USP34: variants seen among roughly 807,000 people sequenced by gnomAD.
The protein encoded by USP34 is ubiquitin specific peptidase 34.
In USP34, 70 loss-of-function variants were observed where a neutral mutation model predicts 460.3. The ratio of observed to expected loss-of-function variants is 0.15; its 90% confidence interval spans 0.13 to 0.19. The LOEUF is 0.19. Ranked by LOEUF, USP34 falls within the 10% of genes least tolerant of loss-of-function variation. The pLI, the probability that USP34 is intolerant of heterozygous loss-of-function variation, is 1.00. For missense variants in USP34, 3,985 were observed against 4,236.2 expected, an observed-to-expected ratio of 0.94 and a Z score of 1.65; for synonymous variants, 1,647 against 1,405.3, an observed-to-expected ratio of 1.17 and a Z score of -3.85.
At chr2:61,211,241 G>C (rs1687265978) in intron 69 of USP34, among the ~76,000 whole-genome samples, 1 of 152,130 alleles carries the variant, frequency 6.6e-6, no homozygotes, top group South Asian at 2.1e-4. Context: ...AAGAATTTAA[G>C]AAATTAGCCT....
At chr2:61,384,610 T>A (rs1215936996) in intron 5 of USP34, among the ~76,000 whole-genome samples, 1 of 151,906 alleles carries the variant, frequency 6.6e-6, no homozygotes, top group African/African-American at 2.4e-5. Flanking sequence ...GAGGTGGAAG[T>A]CTCAGTGAGC....
chr2:61,448,197 G>C (rs910471632), intron 1 of USP34, among the ~76,000 whole-genome samples: 13 of 152,312 alleles, frequency 8.5e-5, no homozygotes, highest in African/African-American at 3.1e-4. Flanking sequence ...AAACTGGCCA[G>C]GCATGAATGC....
intron 1 of USP34, among the ~76,000 whole-genome samples, chr2:61,462,303 G>A (rs1280120887): frequency 6.7e-6 from 1 of 149,016 alleles, no homozygotes. Flanking sequence ...AATCCCAGCA[G>A]TTTGGGAGGC....
At chr2:61,402,938 C>T (rs1441186456) in intron 3 of USP34, among the ~76,000 whole-genome samples, 1 of 152,086 alleles carries the variant, frequency 6.6e-6, no homozygotes, top group Non-Finnish European at 1.5e-5. Flanking sequence ...TTGACCCTTA[C>T]CGCATTTAAT....
intron 2 of USP34, among the ~76,000 whole-genome samples, chr2:61,417,719 C>CTTTTTT (rs201901250): frequency 6.1e-5 from 8 of 130,728 alleles, no homozygotes; most frequent in African/African-American, 8.5e-5. Flanking sequence ...ATACTAAAAT[C>CTTTTTT]TTTTTTTTTT....
chr2:61,468,049 A>G (rs1357679551), intron 1 of USP34, among the ~76,000 whole-genome samples: 1 of 152,092 alleles, frequency 6.6e-6, no homozygotes, highest in African/African-American at 2.4e-5. Flanking sequence ...CATATAATCT[A>G]CTTCAACAAG....
At chr2:61,278,010 A>G (rs1689422771) in intron 41 of USP34, 155 bp downstream of exon 41, 5 of 991,538 alleles carry the variant, frequency 5.0e-6, no homozygotes, top group Middle Eastern at 3.3e-4. Context: ...CCCCAGCCAC[A>G]TGGAACTCTG....
At position 61,235,908 on chromosome 2, in the gene USP34, G is replaced by A; in HGVS notation, c.6969C>T (p.Pro2323=). 1.2e-6 allele frequency: 2 copies of A among 1,612,176 alleles called. No homozygotes were observed. Among genetic ancestry groups the A allele is most frequent in the Non-Finnish European group, 1.7e-6 (2 of 1,179,544 alleles). The change falls in exon 57 of 80, where the codon CCC becomes CCT. Residue 2323 remains proline, a splice_region_variant and synonymous_variant. Transcript: ENST00000398571. ...ACAGTTCAATCCACTGAAGCATCGT[G>A]GGCTAGAAAAGAAAAGTCAGTCAAA... ...LETFIHSKEK[P]TMLQWIELLT...
At chr2:61,440,605 C>A (rs1057098938) in intron 1 of USP34, among the ~76,000 whole-genome samples, 1 of 151,388 alleles carries the variant, frequency 6.6e-6, no homozygotes, top group Non-Finnish European at 1.5e-5. Flanking sequence ...GCAACCTCCT[C>A]CTCCTGGGTT....
At chr2:61,301,504 A>C in intron 27 of USP34, 50 bp from the exon 28 acceptor site, 2 of 1,494,334 alleles carry the variant, frequency 1.3e-6, no homozygotes, top group Non-Finnish European at 1.9e-6. Context: ...GAATTAACTT[A>C]CTTGCTGATA....
chr2:61,467,617 G>GTTTT lies in USP34; in HGVS notation c.43+3029_43+3032dup, dbSNP rs3980937. Among the ~76,000 whole-genome samples, 741 of 105,976 alleles carry GTTTT rather than the reference G, an allele frequency of 7.0e-3. 25 individuals are homozygous for GTTTT. Among genetic ancestry groups the GTTTT allele is most frequent in the South Asian group, 0.018 (54 of 2,970 alleles). The allele number at this position is 105,976 out of a possible 152,430, so 69.5% of individuals were successfully genotyped here. ...CACATTTTGGGAGGACTGTAACTTT[G>GTTTT]TTTTTTTTTTTTTTTTTTTTGAGAT... On this transcript the variant is annotated intron_variant, in intron 1 of 79. Transcript: ENST00000398571.
At chr2:61,343,754 G>A (rs2103765542) in intron 16 of USP34, 61 bp downstream of exon 16, 1 of 629,032 alleles carries the variant, frequency 1.6e-6, no homozygotes, top group East Asian at 4.8e-5. Flanking sequence ...TTTCAACAAA[G>A]TAAGATAAAT....
At chr2:61,282,268 C>A (rs905855128) in intron 37 of USP34, among the ~76,000 whole-genome samples, 1 of 152,166 alleles carries the variant, frequency 6.6e-6, no homozygotes, top group Non-Finnish European at 1.5e-5. Context: ...GCGTGAGCCA[C>A]AGTGCCCAGC....
At chr2:61,365,408 A>G (rs1692406120) in intron 10 of USP34, among the ~76,000 whole-genome samples, 1 of 152,132 alleles carries the variant, frequency 6.6e-6, no homozygotes, top group Admixed American at 6.5e-5. Context: ...GGGATCAATG[A>G]ACACTTTAAA....
In USP34 at chr2:61,190,302, T is replaced by C. The variant is rs1225136772; in HGVS notation, c.9842A>G (p.Glu3281Gly). The change falls in exon 78 of 80, where the codon GAA becomes GGA. Residue 3281 changes from glutamate to glycine, a missense_variant. Around this residue, in one of 14 missense-constraint regions of USP34, gnomAD observed 506 missense variants for 439.0 expected, o/e 1.15. Transcript: ENST00000398571. ...NLQSDFSNRVEISKASASLNG... is the reference protein window; with the variant it reads ...NLQSDFSNRVGISKASASLNG... ...TAAAGAAGCACTTGCTTTGGAAATT[T>C]CAACTCGGTTGGAGAAATCAGACTG... The C allele has an allele frequency of 1.2e-6, 2 of 1,613,344 alleles. No individual in the cohort carries two copies. Among genetic ancestry groups the C allele is most frequent in the African/African-American group, 1.3e-5 (1 of 74,880 alleles).
At chr2:61,225,863 G>T (rs1467412826) in intron 62 of USP34, among the ~76,000 whole-genome samples, 1 of 152,182 alleles carries the variant, frequency 6.6e-6, no homozygotes, top group Non-Finnish European at 1.5e-5. Flanking sequence ...TGAATGAAAT[G>T]TGTCTAACAC....
chr2:61,404,903 T>C (rs184403935), intron 3 of USP34, among the ~76,000 whole-genome samples: 3 of 152,146 alleles, frequency 2.0e-5, no homozygotes, highest in South Asian at 2.1e-4. Flanking sequence ...ACATCACTAA[T>C]AGAGTCAAGC....
chr2:61,326,104 G>T (rs954103110), intron 20 of USP34, among the ~76,000 whole-genome samples: 2 of 152,096 alleles, frequency 1.3e-5, no homozygotes, highest in Admixed American at 6.6e-5. Flanking sequence ...AAGTCAGAAA[G>T]AAGAGATAGA....
intron 49 of USP34, among the ~76,000 whole-genome samples, chr2:61,248,058 G>T (rs150907353): frequency 6.6e-6 from 1 of 151,992 alleles, no homozygotes; most frequent in African/African-American, 2.4e-5. Flanking sequence ...CTGGTGGTGC[G>T]TGCCTATGGT....
Sources: gnomAD v4.1 joint callset for allele counts (sites outside exome capture counted in the v4.1 genomes callset) on GRCh38, gnomAD v4.1.1 for gene constraint, gnomAD v4.1.1 regional missense constraint, MANE v1.5 for transcripts, NCBI Gene and HGNC (gene_info 2026-07-23, HGNC 2026-07-21) for gene names.